Variants in LRRC4C observed in about 807,000 individuals in gnomAD.
LRRC4C encodes leucine-rich repeat-containing protein 4C.
A neutral mutation model predicts 33.6 loss-of-function variants in LRRC4C; 5 were observed. That is an observed-to-expected ratio of 0.15 (90% CI 0.08 to 0.31). The LOEUF (loss-of-function observed/expected upper bound fraction) is 0.31, where lower values mean the gene tolerates loss of function less well. Ranked by LOEUF, LRRC4C falls within the 10% of genes least tolerant of loss-of-function variation. The pLI is 1.00. For synonymous variants in LRRC4C, 329 were observed against 302.0 expected (o/e 1.09, Z -0.93); for missense variants, 560 against 796.7 (o/e 0.70, Z 3.58).
At chr11:40,667,477 CA>C (rs1382228021) in intron 2 of LRRC4C, among the ~76,000 whole-genome samples, 2 of 152,158 alleles carry the variant, frequency 1.3e-5, no homozygotes, top group African/African-American at 4.8e-5. Flanking sequence ...AGAGAATCTG[CA>C]ACTTGTTTCT....
intron 2 of LRRC4C, among the ~76,000 whole-genome samples, chr11:40,838,135 A>G (rs1952757354): frequency 6.6e-6 from 1 of 152,162 alleles, no homozygotes; most frequent in Non-Finnish European, 1.5e-5. Flanking sequence ...ACTCCAGGTG[A>G]ACTGAAAACT....
intron 5 of LRRC4C, among the ~76,000 whole-genome samples, chr11:40,211,435 A>G (rs944427812): frequency 1.3e-5 from 2 of 152,248 alleles, no homozygotes; most frequent in African/African-American, 4.8e-5. Context: ...CAAAATCATT[A>G]TTTAATTGTA....
intron 2 of LRRC4C, among the ~76,000 whole-genome samples, chr11:40,684,813 A>G (rs908150511): frequency 2.6e-5 from 4 of 152,020 alleles, no homozygotes; most frequent in African/African-American, 9.7e-5. Flanking sequence ...CTAGAGTACA[A>G]TGAAAATAAG....
At chr11:40,872,788 C>G (rs772659853) in intron 2 of LRRC4C, among the ~76,000 whole-genome samples, 2 of 152,048 alleles carry the variant, frequency 1.3e-5, no homozygotes, top group Non-Finnish European at 2.9e-5. Context: ...TTCTCATATG[C>G]TCTAGGAAAA....
intron 1 of LRRC4C, among the ~76,000 whole-genome samples, chr11:41,022,183 G>A (rs902994247): frequency 1.4e-5 from 2 of 146,542 alleles, no homozygotes; most frequent in Non-Finnish European, 3.0e-5. Context: ...TCTACTGACA[G>A]CAATTTATCT....
Position 40,377,323 on chromosome 11 carries a change from T to C in LRRC4C, c.-269-57602A>G, listed in dbSNP as rs192978732. 3.2e-3 allele frequency among the ~76,000 whole-genome samples: 485 copies of C among 152,258 alleles called. 3 individuals are homozygous for C. The highest frequency in any genetic ancestry group is 5.1e-3 in the Non-Finnish European group (344 of 67,988). On this transcript the variant is annotated intron_variant, in intron 3 of 6. Transcript: ENST00000528697. ...CATTATTTGATAATGGTGATGACAA[T>C]GGCATATACTATATAGTGTACATCC...
intron 2 of LRRC4C, among the ~76,000 whole-genome samples, chr11:40,714,784 G>A (rs1342595765): frequency 1.3e-5 from 2 of 152,140 alleles, no homozygotes; most frequent in African/African-American, 2.4e-5. Context: ...TACATATAAG[G>A]ACACTTGGTT....
chr11:40,995,527 C>A (rs1249600572), intron 1 of LRRC4C, among the ~76,000 whole-genome samples: 1 of 152,106 alleles, frequency 6.6e-6, no homozygotes, highest in Admixed American at 6.6e-5. Flanking sequence ...TTTCTAATCA[C>A]GTCTAATCCA....
intron 2 of LRRC4C, among the ~76,000 whole-genome samples, chr11:40,787,936 G>A (rs1448949515): frequency 6.6e-6 from 1 of 152,108 alleles, no homozygotes. Flanking sequence ...AAAAAGGTTG[G>A]TATTCTTATT....
chr11:41,371,263 C>T (rs1303623360), intron 1 of LRRC4C, among the ~76,000 whole-genome samples: 3 of 152,158 alleles, frequency 2.0e-5, no homozygotes, highest in Non-Finnish European at 4.4e-5. Context: ...AGCAGCTGTG[C>T]TATTTTGGAA....
chr11:40,342,305 TA>T (rs1161228312), intron 3 of LRRC4C, among the ~76,000 whole-genome samples: 1 of 151,996 alleles, frequency 6.6e-6, no homozygotes, highest in Non-Finnish European at 1.5e-5. Context: ...CCATTTCTAC[TA>T]AAAATACAAA....
chr11:40,904,326 C>A (rs1956329192), intron 2 of LRRC4C, among the ~76,000 whole-genome samples: 1 of 149,314 alleles, frequency 6.7e-6, no homozygotes, highest in South Asian at 2.1e-4. Flanking sequence ...ATGACTAAAC[C>A]CAATCTACAC....
intron 1 of LRRC4C, among the ~76,000 whole-genome samples, chr11:41,057,333 T>A (rs1355270265): frequency 6.6e-6 from 1 of 152,190 alleles, no homozygotes; most frequent in Non-Finnish European, 1.5e-5. Context: ...TGGGCACTGA[T>A]AAGCATAGGA....
intron 3 of LRRC4C, among the ~76,000 whole-genome samples, chr11:40,430,411 GC>G (rs1312283017): frequency 6.6e-6 from 1 of 152,104 alleles, no homozygotes; most frequent in South Asian, 2.1e-4. Flanking sequence ...GTAGTTTGAA[GC>G]ACAGTGAAAG....
At chr11:40,896,703 A>G (rs1955956705) in intron 2 of LRRC4C, among the ~76,000 whole-genome samples, 1 of 151,964 alleles carries the variant, frequency 6.6e-6, no homozygotes, top group East Asian at 1.9e-4. Context: ...ATATATTAAT[A>G]CAGCTAACCA....
At chr11:40,211,494 A>G (rs1863604912) in intron 5 of LRRC4C, among the ~76,000 whole-genome samples, 1 of 152,244 alleles carries the variant, frequency 6.6e-6, no homozygotes, top group Non-Finnish European at 1.5e-5. Context: ...AACTATATCT[A>G]AAAATGTAAA....
intron 1 of LRRC4C, among the ~76,000 whole-genome samples, chr11:41,366,123 T>C (rs1368767923): frequency 6.6e-6 from 1 of 152,128 alleles, no homozygotes; most frequent in Non-Finnish European, 1.5e-5. Flanking sequence ...GCTATTTATA[T>C]ACCTGGTAAA....
intron 5 of LRRC4C, among the ~76,000 whole-genome samples, chr11:40,236,813 C>T (rs181901614): frequency 4.2e-4 from 64 of 152,174 alleles, no homozygotes; most frequent in African/African-American, 1.5e-3. Context: ...AAATGTTTGT[C>T]GTGTTAATCC....
intron 3 of LRRC4C, among the ~76,000 whole-genome samples, chr11:40,615,120 T>A (rs1961635390): frequency 6.6e-6 from 1 of 151,158 alleles, no homozygotes; most frequent in African/African-American, 2.4e-5. Context: ...ACACAAAGCA[T>A]AACAAAATGA....
Sources: allele counts gnomAD v4.1 joint callset (sites outside exome capture counted in the v4.1 genomes callset), GRCh38; gene constraint gnomAD v4.1.1; transcripts MANE v1.5; gene names NCBI Gene and HGNC (gene_info 2026-07-23, HGNC 2026-07-21).